Variants in ESRRG observed in about 807,000 individuals in gnomAD.
The protein encoded by ESRRG is estrogen-related receptor gamma.
In ESRRG, 13 loss-of-function variants were observed where a neutral mutation model predicts 44.0. That is an observed-to-expected ratio of 0.30 (90% CI 0.19 to 0.47). The LOEUF is 0.47. Ranked by LOEUF, ESRRG falls within the 20% of genes least tolerant of loss-of-function variation. The probability of loss-of-function intolerance (pLI) is 1.00; values close to 1 mark genes in which losing one functional copy is unlikely to be tolerated. For missense variants in ESRRG, 395 were observed against 580.6 expected, an observed-to-expected ratio of 0.68 and a Z score of 3.29; for synonymous variants, 215 against 214.6, an observed-to-expected ratio of 1.00 and a Z score of -0.02.
intron 1 of ESRRG, among the ~76,000 whole-genome samples, chr1:217,119,560 C>A (rs2092790833): frequency 6.6e-6 from 1 of 152,288 alleles, no homozygotes; most frequent in South Asian, 2.1e-4. Flanking sequence ...CCTGTGAATT[C>A]ATTCTAATTT....
At chr1:216,783,561 T>G (rs1450928357) in intron 2 of ESRRG, among the ~76,000 whole-genome samples, 1 of 152,058 alleles carries the variant, frequency 6.6e-6, no homozygotes, top group African/African-American at 2.4e-5. Context: ...AAATATATCT[T>G]CTCGTGCTAA....
At chr1:216,529,668 C>T (rs1434951343) in intron 5 of ESRRG, among the ~76,000 whole-genome samples, 3 of 152,096 alleles carry the variant, frequency 2.0e-5, no homozygotes, top group African/African-American at 7.2e-5. Context: ...TTGATTTTCA[C>T]TATTTCTAAC....
chr1:216,519,245 T>C lies in ESRRG; in HGVS notation c.1039A>G (p.Asn347Asp). The C allele has an allele frequency of 1.2e-6, 2 of 1,613,774 alleles. No homozygotes were observed. Reference protein sequence around the residue: ...SKLAGLLDLNNAILQLVKKYK... With the variant: ...SKLAGLLDLNDAILQLVKKYK... ...TTCTTTACCAGCTGCAGGATAGCAT[T>C]ATTTAGATCAAGAAGGCCTGCTAAT... The change falls in exon 6 of 7, where the codon AAT (asparagine) becomes GAT (aspartate). Residue 347 changes from asparagine (N) to aspartate (D), a missense_variant. Physicochemically the swap from Asn to Asp is conservative, Grantham distance 23 (BLOSUM62 1). Around this residue, in one of 5 missense-constraint regions of ESRRG, gnomAD observed 167 missense variants for 251.8 expected, o/e 0.66. Transcript: ENST00000408911.
chr1:217,016,640 A>T (rs1353460169), intron 1 of ESRRG, among the ~76,000 whole-genome samples: 1 of 152,176 alleles, frequency 6.6e-6, no homozygotes, highest in African/African-American at 2.4e-5. Flanking sequence ...CAGTAGTCAC[A>T]TACTTATAAA....
intron 3 of ESRRG, among the ~76,000 whole-genome samples, chr1:216,589,616 A>C (rs2057301322): frequency 6.6e-6 from 1 of 152,118 alleles, no homozygotes; most frequent in East Asian, 1.9e-4. Flanking sequence ...ATCCAAACTA[A>C]GGGAAGAGAA....
intron 5 of ESRRG, among the ~76,000 whole-genome samples, chr1:216,532,652 A>G (rs932077684): frequency 9.2e-5 from 14 of 152,250 alleles, no homozygotes; most frequent in Non-Finnish European, 1.8e-4. Flanking sequence ...GAAAATTCCT[A>G]TTAAGGGACT....
At chr1:216,777,061 G>C (rs916513759) in intron 2 of ESRRG, among the ~76,000 whole-genome samples, 3 of 152,146 alleles carry the variant, frequency 2.0e-5, no homozygotes, top group African/African-American at 7.2e-5. Context: ...TCTCTTCCCA[G>C]TGAGGTACTA....
intron 2 of ESRRG, among the ~76,000 whole-genome samples, chr1:216,818,162 C>G (rs2095198145): frequency 6.6e-6 from 1 of 152,118 alleles, no homozygotes; most frequent in Non-Finnish European, 1.5e-5. Context: ...CCACTAAAAC[C>G]TCCTGAAACA....
At chr1:216,535,502 T>C (rs1482249644) in intron 5 of ESRRG, among the ~76,000 whole-genome samples, 5 of 152,136 alleles carry the variant, frequency 3.3e-5, no homozygotes, top group Non-Finnish European at 5.9e-5. Flanking sequence ...ACATCAGATA[T>C]AAATACCCTT....
intron 1 of ESRRG, among the ~76,000 whole-genome samples, chr1:216,971,532 A>G (rs1029764953): frequency 1.3e-5 from 2 of 152,228 alleles, no homozygotes; most frequent in Non-Finnish European, 2.9e-5. Flanking sequence ...AAATGCCTCA[A>G]AAGATTCATC....
intron 2 of ESRRG, among the ~76,000 whole-genome samples, chr1:216,853,278 A>C (rs1005905112): frequency 6.6e-6 from 1 of 152,292 alleles, no homozygotes; most frequent in African/African-American, 2.4e-5. Flanking sequence ...TTCAGAGTAG[A>C]TCCTATGCCT....
chr1:216,667,604 T>G (rs1483118517), intron 2 of ESRRG, among the ~76,000 whole-genome samples: 1 of 143,034 alleles, frequency 7.0e-6, no homozygotes, highest in Non-Finnish European at 1.5e-5. Flanking sequence ...AAGAATCGCT[T>G]GAATCCGGGA....
chr1:217,020,126 TC>T (rs2080061292), intron 1 of ESRRG, among the ~76,000 whole-genome samples: 2 of 152,150 alleles, frequency 1.3e-5, no homozygotes, highest in Non-Finnish European at 2.9e-5. Context: ...GTCCTGGTAT[TC>T]CCTCACATGG....
chr1:217,031,903 T>A (rs4846804), intron 1 of ESRRG, among the ~76,000 whole-genome samples: 1 of 151,972 alleles, frequency 6.6e-6, no homozygotes, highest in Non-Finnish European at 1.5e-5. Flanking sequence ...GGAAATGTGA[T>A]TCAATTAAAA....
At chr1:216,905,465 C>T (rs1380351209) in intron 2 of ESRRG, among the ~76,000 whole-genome samples, 1 of 152,164 alleles carries the variant, frequency 6.6e-6, no homozygotes, top group East Asian at 1.9e-4. Context: ...TAAAGTTCAA[C>T]CCTCCTCTGA....
Position 216,515,877 on chromosome 1 carries a change from G to C in ESRRG, c.1132+3275C>G, listed in dbSNP as rs566904638. Among the ~76,000 whole-genome samples, 4 of 152,002 alleles carry C rather than the reference G, an allele frequency of 2.6e-5. No homozygotes were observed. In the South Asian group the frequency reaches 8.3e-4, roughly 32 times the overall value. On this transcript the variant is annotated intron_variant, in intron 6 of 6. Transcript: ENST00000408911. ...AATTTCAAACAAATTCTTAATATAA[G>C]AATCAAGAGATTCAATGAAGAGAAA...
rs1167281974 is a variant in ESRRG, at chr1:216,889,155, A to T, written c.-14+50427T>A. 3.3e-5 allele frequency among the ~76,000 whole-genome samples: 5 copies of T among 152,182 alleles called. No homozygotes were observed. The East Asian group carries it at 9.6e-4, about 29-fold the overall frequency. ...AGCATGTTTCCCTGCGAATGTAATA[A>T]GCGAAAGATTGCTGACATCCTTCCA... On this transcript the variant is annotated intron_variant, in intron 2 of 7. Transcript: ENST00000359162.
At chr1:216,780,603 A>G (rs2093897298) in intron 2 of ESRRG, among the ~76,000 whole-genome samples, 1 of 152,062 alleles carries the variant, frequency 6.6e-6, no homozygotes, top group Non-Finnish European at 1.5e-5. Context: ...ACAGAAAACT[A>G]GAGTGGAGGG....
chr1:216,851,165 G>A (rs1290245394), intron 2 of ESRRG, among the ~76,000 whole-genome samples: 1 of 151,472 alleles, frequency 6.6e-6, no homozygotes. Flanking sequence ...CTGGAAGAAA[G>A]GTTAAAGATC....
Sources: gnomAD v4.1 joint callset for allele counts (sites outside exome capture counted in the v4.1 genomes callset) on GRCh38, gnomAD v4.1.1 for gene constraint, gnomAD v4.1.1 regional missense constraint, MANE v1.5 for transcripts, NCBI Gene and HGNC (gene_info 2026-07-23, HGNC 2026-07-21) for gene names.